The following DLG2 variants were observed in gnomAD, a reference collection of about 807,000 sequenced individuals.
The protein encoded by DLG2 is discs large MAGUK scaffold protein 2, also known as disks large homolog 2.
A neutral mutation model predicts 132.5 loss-of-function variants in DLG2; 45 were observed. The observed-to-expected ratio is 0.34, with a 90% CI of 0.27 to 0.44. The LOEUF is 0.44. Ranked by LOEUF, DLG2 falls within the 20% of genes least tolerant of loss-of-function variation. The pLI, the probability that DLG2 is intolerant of heterozygous loss-of-function variation, is 1.00. For missense variants in DLG2, 1,045 were observed against 1,196.9 expected, an observed-to-expected ratio of 0.87 and a Z score of 1.87; for synonymous variants, 424 against 419.6, an observed-to-expected ratio of 1.01 and a Z score of -0.13.
At chr11:83,896,742 G>A (rs890826030) in intron 15 of DLG2, among the ~76,000 whole-genome samples, 4 of 152,174 alleles carry the variant, frequency 2.6e-5, no homozygotes, top group Admixed American at 1.3e-4. Context: ...GGGCATGAAA[G>A]TGGTTTATCA....
chr11:84,808,028 A>C (rs1196989598), intron 6 of DLG2, among the ~76,000 whole-genome samples: 2 of 152,160 alleles, frequency 1.3e-5, no homozygotes, highest in East Asian at 3.8e-4. Flanking sequence ...TCCATAAAAA[A>C]CTAGAAGAAT....
At chr11:83,726,550 A>T (rs1483419256) in intron 18 of DLG2, among the ~76,000 whole-genome samples, 1 of 152,198 alleles carries the variant, frequency 6.6e-6, no homozygotes, top group Non-Finnish European at 1.5e-5. Context: ...AAATCAGATG[A>T]GTCACTGAGC....
At chr11:83,721,948 T>C (rs1312479306) in intron 18 of DLG2, among the ~76,000 whole-genome samples, 1 of 152,196 alleles carries the variant, frequency 6.6e-6, no homozygotes, top group African/African-American at 2.4e-5. Context: ...TGCCAGATGA[T>C]TAGAAAAAAG....
intron 3 of DLG2, among the ~76,000 whole-genome samples, chr11:85,476,655 A>G (rs895696728): frequency 3.9e-5 from 6 of 152,060 alleles, no homozygotes; most frequent in African/African-American, 1.4e-4. Flanking sequence ...AAACTGAAAC[A>G]CAGGAACACA....
chr11:85,535,665 C>A (rs1333347498), intron 3 of DLG2, among the ~76,000 whole-genome samples: 1 of 152,072 alleles, frequency 6.6e-6, no homozygotes, highest in Admixed American at 6.6e-5. Context: ...CAGATGTCCA[C>A]ACAAAAATCT....
intron 10 of DLG2, among the ~76,000 whole-genome samples, chr11:84,082,078 G>C (rs891802815): frequency 5.3e-5 from 8 of 152,124 alleles, no homozygotes; most frequent in Admixed American, 4.6e-4. Flanking sequence ...GACCAGTGAT[G>C]ATGAGCATTT....
rs138122235 is a variant in DLG2 at position 85,064,551 on chromosome 11, A to G, written c.357+47110T>C. Among the ~76,000 whole-genome samples, 160 of 151,884 alleles carry G rather than the reference A, an allele frequency of 1.1e-3. 1 individual carries two copies. Among genetic ancestry groups the G allele is most frequent in the African/African-American group, 3.7e-3 (154 of 41,498 alleles). On this transcript the variant is annotated intron_variant, in intron 6 of 27. Transcript: ENST00000376104. ...TTTATCTCCTAATTATACATTTTCA[A>G]AAGGGATTATACCATCCCCTAGGGA...
Position 85,068,999 on chromosome 11 carries a change from A to G in DLG2, c.357+42662T>C, listed in dbSNP as rs556217944. 2.6e-5 allele frequency among the ~76,000 whole-genome samples: 4 copies of G among 152,256 alleles called. No individual in the cohort carries two copies. In the South Asian group the frequency reaches 6.2e-4, roughly 24 times the overall value. On this transcript the variant is annotated intron_variant, in intron 6 of 27. Transcript: ENST00000376104. ...ACAGAGCCCTCAGAAATAATGCTGCATATCTACAACCATCTGATCTCTGAC... is the reference window on the plus strand; with the variant it reads ...ACAGAGCCCTCAGAAATAATGCTGCGTATCTACAACCATCTGATCTCTGAC...
At chr11:85,056,640 A>G (rs930602530) in intron 6 of DLG2, among the ~76,000 whole-genome samples, 2 of 152,016 alleles carry the variant, frequency 1.3e-5, no homozygotes, top group Admixed American at 1.3e-4. Flanking sequence ...AAAGCTACAG[A>G]TTCAAGAAGT....
At chr11:85,070,350 A>G (rs893629658) in intron 6 of DLG2, among the ~76,000 whole-genome samples, 21 of 150,210 alleles carry the variant, frequency 1.4e-4, no homozygotes, top group Non-Finnish European at 2.4e-4. Flanking sequence ...AAAGACCTAC[A>G]CTCTTATATT....
chr11:83,528,430 TC>T (rs1267968246), intron 21 of DLG2, among the ~76,000 whole-genome samples: 1 of 152,180 alleles, frequency 6.6e-6, no homozygotes, highest in Non-Finnish European at 1.5e-5. Context: ...CACACTGGTG[TC>T]CTTGACTTGC....
intron 17 of DLG2, among the ~76,000 whole-genome samples, chr11:83,803,642 A>G (rs2045121626): frequency 6.6e-6 from 1 of 152,166 alleles, no homozygotes; most frequent in Admixed American, 6.6e-5. Context: ...ATCCTATAAT[A>G]TTCACTAATT....
chr11:84,479,725 T>C (rs901818553), intron 7 of DLG2, among the ~76,000 whole-genome samples: 1 of 152,130 alleles, frequency 6.6e-6, no homozygotes, highest in Non-Finnish European at 1.5e-5. Context: ...ATATTTTTAA[T>C]TGATGCCATG....
chr11:83,796,517 G>T (rs1362615241), intron 17 of DLG2, among the ~76,000 whole-genome samples: 2 of 152,090 alleles, frequency 1.3e-5, no homozygotes, highest in East Asian at 3.9e-4. Flanking sequence ...GCTTGTGCTT[G>T]CATACCTCCT....
At chr11:85,081,864 CTTG>C (rs1415212889) in intron 6 of DLG2, among the ~76,000 whole-genome samples, 3 of 152,132 alleles carry the variant, frequency 2.0e-5, no homozygotes, top group South Asian at 2.1e-4. Flanking sequence ...TCTGACCTTA[CTTG>C]TTGTTTGTAA....
chr11:84,801,918 A>T lies in DLG2; in HGVS notation c.358-267187T>A, dbSNP rs548133755. Among the ~76,000 whole-genome samples the T allele has an allele frequency of 3.3e-5, 5 of 152,288 alleles. No homozygotes were observed. In the South Asian group the frequency reaches 1.0e-3, roughly 32 times the overall value. ...AAGAATTTCCCACGTTCTTTGTTAC[A>T]TCTGTTTGTGCTGGTTTTCTGCTTC... On this transcript the variant is annotated intron_variant, in intron 6 of 27. Coordinates refer to ENST00000376104, the MANE Select transcript of DLG2 (RefSeq NM_001142699.3).
rs5793156 is a variant in DLG2 at position 85,107,927 on chromosome 11, T to TAAAA, written c.357+3730_357+3733dup. ...TAGTTACTACTGAAAGGACAAGTCT[T>TAAAA]AAAAAAAAAAAAAAAAAAAAAAAAA... On this transcript the variant is annotated intron_variant, in intron 6 of 27. Coordinates refer to ENST00000376104, the MANE Select transcript of DLG2 (RefSeq NM_001142699.3). 9.5e-4 allele frequency among the ~76,000 whole-genome samples: 25 copies of TAAAA among 26,276 alleles called. 6 individuals are homozygous for TAAAA. Among genetic ancestry groups the TAAAA allele is most frequent in the African/African-American group, 3.2e-3 (20 of 6,290 alleles). The allele number at this position is 26,276 out of a possible 152,430, so 17.2% of individuals were successfully genotyped here.
intron 6 of DLG2, among the ~76,000 whole-genome samples, chr11:84,917,101 C>T (rs945305598): frequency 6.6e-6 from 1 of 152,214 alleles, no homozygotes; most frequent in Non-Finnish European, 1.5e-5. Context: ...ACCTACCTCA[C>T]TAGCAATAAG....
intron 6 of DLG2, among the ~76,000 whole-genome samples, chr11:84,965,509 T>C (rs1417865596): frequency 6.6e-6 from 1 of 152,014 alleles, no homozygotes; most frequent in Non-Finnish European, 1.5e-5. Flanking sequence ...GGCATTCAAG[T>C]GCTATGGATG....
Sources: allele counts gnomAD v4.1 joint callset (sites outside exome capture counted in the v4.1 genomes callset), GRCh38; gene constraint gnomAD v4.1.1; transcripts MANE v1.5; gene names NCBI Gene and HGNC (gene_info 2026-07-23, HGNC 2026-07-21).